Variants in MECOM observed in about 807,000 individuals in gnomAD.
The protein encoded by MECOM is MDS1 and EVI1 complex locus.
MECOM carries 13 observed loss-of-function variants against 116.3 expected under a neutral mutation model. That is an observed-to-expected ratio of 0.11 (90% CI 0.07 to 0.18). MECOM has a LOEUF of 0.18. Among genes scored for constraint, MECOM ranks in the 10% least tolerant of loss-of-function variants. The pLI, the probability that MECOM is intolerant of heterozygous loss-of-function variation, is 1.00. For missense variants in MECOM, 1,299 were observed against 1,509.0 expected, an observed-to-expected ratio of 0.86 and a Z score of 2.31; for synonymous variants, 528 against 535.2, an observed-to-expected ratio of 0.99 and a Z score of 0.19.
chr3:169,291,337 T>TTA (rs1158448716), intron 2 of MECOM, among the ~76,000 whole-genome samples: 3 of 152,196 alleles, frequency 2.0e-5, no homozygotes, highest in Non-Finnish European at 4.4e-5. Context: ...TAGTCATATA[T>TTA]TATAACTAAT....
At position 169,116,843 on chromosome 3, in the gene MECOM, T is replaced by A. The variant is rs972653855; in HGVS notation, c.1133-104A>T. 159 of 1,417,938 alleles carry A rather than the reference T, an allele frequency of 1.1e-4. No homozygotes were observed. The African/African-American group carries it at 2.1e-3, about 18-fold the overall frequency. The allele number at this position is 1,417,938 out of a possible 1,614,324, so 87.8% of individuals were successfully genotyped here. A position where few individuals can be genotyped will look rare whatever the true frequency, so the allele number is the denominator to read the frequency against. On this transcript the variant is annotated intron_variant, in intron 7 of 16. Transcript: ENST00000651503. The stretch of plus-strand genomic sequence containing the variant: ...CTCAAAATTTCAATTAGGAAGCCAG[T>A]AAAAGACATTGGAGGCACCAATCTG...
At chr3:169,470,873 G>C (rs1440248397) in intron 1 of MECOM, among the ~76,000 whole-genome samples, 1 of 152,076 alleles carries the variant, frequency 6.6e-6, no homozygotes, top group Non-Finnish European at 1.5e-5. Context: ...CTAGAGGAGG[G>C]TCTGAGCTAT....
At chr3:169,577,636 G>C (rs1040243329) in intron 1 of MECOM, among the ~76,000 whole-genome samples, 1 of 152,088 alleles carries the variant, frequency 6.6e-6, no homozygotes, top group Admixed American at 6.6e-5. Flanking sequence ...TGAATGATCC[G>C]ACAGTGCCTA....
intron 1 of MECOM, among the ~76,000 whole-genome samples, chr3:169,391,664 T>G (rs1734213110): frequency 1.3e-5 from 2 of 152,186 alleles, no homozygotes; most frequent in South Asian, 4.1e-4. Context: ...TGTGTATACA[T>G]ACACCAAATA....
chr3:169,612,330 A>C (rs574591332), intron 1 of MECOM, among the ~76,000 whole-genome samples: 2 of 152,246 alleles, frequency 1.3e-5, no homozygotes, highest in African/African-American at 4.8e-5. Flanking sequence ...TATCAGGCAG[A>C]AGCTGAAATG....
chr3:169,134,043 C>T, intron 3 of MECOM: 4 of 897,898 alleles, frequency 4.5e-6, no homozygotes, highest in Middle Eastern at 2.6e-4. Flanking sequence ...AGACAATACC[C>T]TACAAGACAG....
At chr3:169,402,722 A>C (rs1577991860) in intron 1 of MECOM, among the ~76,000 whole-genome samples, 1 of 152,048 alleles carries the variant, frequency 6.6e-6, no homozygotes, top group Non-Finnish European at 1.5e-5. Flanking sequence ...ACTCTTAAGG[A>C]ATGTTGATTC....
chr3:169,245,035 C>T (rs1755412714), intron 2 of MECOM, among the ~76,000 whole-genome samples: 1 of 152,146 alleles, frequency 6.6e-6, no homozygotes, highest in Non-Finnish European at 1.5e-5. Flanking sequence ...CAAGCAGCTG[C>T]TTAAATTTTA....
intron 1 of MECOM, among the ~76,000 whole-genome samples, chr3:169,506,748 C>T (rs905927126): frequency 1.3e-5 from 2 of 152,128 alleles, no homozygotes; most frequent in African/African-American, 4.8e-5. Flanking sequence ...TATACTTACC[C>T]CAGGGTGAGG....
At chr3:169,507,903 G>A (rs1755475754) in intron 1 of MECOM, among the ~76,000 whole-genome samples, 1 of 151,280 alleles carries the variant, frequency 6.6e-6, no homozygotes, top group East Asian at 2.0e-4. Flanking sequence ...CTTGCGATCT[G>A]CCCGCCTCGG....
chr3:169,192,050 AG>A (rs2149426853), intron 2 of MECOM, among the ~76,000 whole-genome samples: 1 of 152,118 alleles, frequency 6.6e-6, no homozygotes, highest in African/African-American at 2.4e-5. Flanking sequence ...AGAATGGAAA[AG>A]CTTGATTTAC....
chr3:169,259,043 G>A (rs2149605073), intron 2 of MECOM, among the ~76,000 whole-genome samples: 1 of 152,284 alleles, frequency 6.6e-6, no homozygotes, highest in African/African-American at 2.4e-5. Flanking sequence ...TCATGAATAT[G>A]TAGTCCTTTA....
At chr3:169,504,981 C>A (rs73174334) in intron 1 of MECOM, among the ~76,000 whole-genome samples, 1 of 152,166 alleles carries the variant, frequency 6.6e-6, no homozygotes, top group Admixed American at 6.5e-5. Flanking sequence ...GGCTACCATC[C>A]GTCACCACCA....
chr3:169,325,605 T>C (rs1402920923), intron 2 of MECOM, among the ~76,000 whole-genome samples: 1 of 152,222 alleles, frequency 6.6e-6, no homozygotes, highest in African/African-American at 2.4e-5. Flanking sequence ...TAACTTGGTG[T>C]TTGATCCTTT....
intron 2 of MECOM, among the ~76,000 whole-genome samples, chr3:169,174,915 ACTT>A (rs1274562373): frequency 1.3e-5 from 2 of 152,172 alleles, no homozygotes; most frequent in African/African-American, 4.8e-5. Context: ...CATGAAGACA[ACTT>A]CTTAAAACTC....
chr3:169,393,092 T>G (rs1403021975), intron 1 of MECOM, among the ~76,000 whole-genome samples: 2 of 152,136 alleles, frequency 1.3e-5, no homozygotes, highest in Non-Finnish European at 2.9e-5. Flanking sequence ...GCCCAGAAGT[T>G]CTATTGTGAA....
chr3:169,282,337 G>A (rs952117738), intron 2 of MECOM, among the ~76,000 whole-genome samples: 1 of 152,112 alleles, frequency 6.6e-6, no homozygotes, highest in African/African-American at 2.4e-5. Flanking sequence ...CATGAAGTGC[G>A]ATTTGAGGGA....
chr3:169,329,692 G>T (rs1722422612), intron 2 of MECOM, among the ~76,000 whole-genome samples: 1 of 152,160 alleles, frequency 6.6e-6, no homozygotes, highest in Admixed American at 6.5e-5. Context: ...GTGACAAAGA[G>T]GAGTTCCATT....
At chr3:169,499,012 A>T (rs1488130952) in intron 1 of MECOM, among the ~76,000 whole-genome samples, 1 of 152,320 alleles carries the variant, frequency 6.6e-6, no homozygotes, top group African/African-American at 2.4e-5. Flanking sequence ...TAATTTTACG[A>T]AGAAACAATA....
Sources: allele counts gnomAD v4.1 joint callset (sites outside exome capture counted in the v4.1 genomes callset), GRCh38; gene constraint gnomAD v4.1.1; transcripts MANE v1.5; gene names NCBI Gene and HGNC (gene_info 2026-07-23, HGNC 2026-07-21).